PLCXD3: variants seen among roughly 807,000 people sequenced by gnomAD.
PLCXD3 encodes the protein PI-PLC X domain-containing protein 3.
Under a neutral mutation model 25.5 loss-of-function variants are expected in PLCXD3, and 19 were observed. The ratio of observed to expected loss-of-function variants is 0.75; its 90% confidence interval spans 0.52 to 1.09. The LOEUF is 1.09. Among genes scored for constraint, PLCXD3 ranks in the 50% least tolerant of loss-of-function variants. The pLI is 0.00. For missense variants in PLCXD3, 411 were observed against 388.1 expected (o/e 1.06, Z -0.50); for synonymous variants, 174 against 137.6 (o/e 1.26, Z -1.85).
intron 1 of PLCXD3, among the ~76,000 whole-genome samples, chr5:41,458,002 T>C (rs558068450): frequency 6.6e-6 from 1 of 151,872 alleles, no homozygotes; most frequent in African/African-American, 2.4e-5. Context: ...AGCACCAAGT[T>C]TAACTTAGGG....
intron 2 of PLCXD3, among the ~76,000 whole-genome samples, chr5:41,380,674 C>T (rs1018186760): frequency 1.3e-5 from 2 of 152,108 alleles, no homozygotes; most frequent in Non-Finnish European, 2.9e-5. Context: ...TTCTCTTCAT[C>T]TTTTGTCTTT....
At chr5:41,399,547 C>A (rs1314871705) in intron 1 of PLCXD3, among the ~76,000 whole-genome samples, 4 of 151,892 alleles carry the variant, frequency 2.6e-5, no homozygotes, top group Non-Finnish European at 5.9e-5. Context: ...TCCACACTCC[C>A]ACATTAAACT....
chr5:41,451,192 C>T (rs571641367), intron 1 of PLCXD3, among the ~76,000 whole-genome samples: 22 of 152,160 alleles, frequency 1.4e-4, no homozygotes, highest in Admixed American at 3.9e-4. Context: ...TACACCTCAA[C>T]GTAACCTGAG....
chr5:41,355,462 C>A (rs957655777), intron 2 of PLCXD3, among the ~76,000 whole-genome samples: 1 of 152,168 alleles, frequency 6.6e-6, no homozygotes, highest in Non-Finnish European at 1.5e-5. Flanking sequence ...CATAATCCAA[C>A]CCCTATGCTC....
intron 1 of PLCXD3, among the ~76,000 whole-genome samples, chr5:41,429,758 GGAATTCA>G (rs760899008): frequency 1.3e-5 from 2 of 152,058 alleles, no homozygotes; most frequent in African/African-American, 2.4e-5. Flanking sequence ...GACGAAGGTA[GGAATTCA>G]GATCTGAGAC....
intron 1 of PLCXD3, among the ~76,000 whole-genome samples, chr5:41,450,539 G>T (rs1012432640): frequency 1.3e-5 from 2 of 152,060 alleles, no homozygotes; most frequent in Admixed American, 6.6e-5. Context: ...TTACAATGCT[G>T]ATAGAAGCAG....
At position 41,440,215 on chromosome 5, in the gene PLCXD3, A is replaced by ATTTTTTTTTTTTTTTTTT. The variant is rs70988846; in HGVS notation, c.104-57699_104-57682dup. Among the ~76,000 whole-genome samples, 60 of 41,082 alleles carry ATTTTTTTTTTTTTTTTTT rather than the reference A, an allele frequency of 1.5e-3. 1 individual carries two copies. The highest frequency in any genetic ancestry group is 2.9e-3 in the African/African-American group (28 of 9,608). 27.0% of individuals were successfully genotyped at this position (41,082 alleles called of 152,430 possible). On this transcript the variant is annotated intron_variant, in intron 1 of 2. Coordinates refer to ENST00000377801, the MANE Select transcript of PLCXD3 (RefSeq NM_001005473.3). ...TCTGAGCAAATTACATAATCTCTCAATTTTTTTTTTTTTTTTTTTTTTTTT... is the reference window on the plus strand; with the variant it reads ...TCTGAGCAAATTACATAATCTCTCAATTTTTTTTTTTTTTTTTTTTTTTTTTTTTTTTTTTTTTTTTTT...
At chr5:41,403,401 G>GTTTTTGTTTTTT (rs1554047952) in intron 1 of PLCXD3, among the ~76,000 whole-genome samples, 5 of 18,388 alleles carry the variant, frequency 2.7e-4, no homozygotes, top group African/African-American at 9.2e-4. Flanking sequence ...CTTATTTGTT[G>GTTTTTGTTTTTT]TTTTTTTTTT....
chr5:41,365,625 C>T (rs1452325125), intron 2 of PLCXD3, among the ~76,000 whole-genome samples: 3 of 152,084 alleles, frequency 2.0e-5, no homozygotes, highest in East Asian at 3.9e-4. Context: ...TTGTTTCTAT[C>T]CCTGGGTAAC....
At chr5:41,329,597 A>G (rs553882782) in intron 2 of PLCXD3, among the ~76,000 whole-genome samples, 2 of 152,102 alleles carry the variant, frequency 1.3e-5, no homozygotes, top group Admixed American at 6.6e-5. Flanking sequence ...GTAATTTTTT[A>G]CAAAAAATAT....
At chr5:41,398,495 A>C (rs904783338) in intron 1 of PLCXD3, among the ~76,000 whole-genome samples, 1 of 152,208 alleles carries the variant, frequency 6.6e-6, no homozygotes, top group Non-Finnish European at 1.5e-5. Flanking sequence ...AGTCTCAAGT[A>C]GTTCTCTATA....
At chr5:41,497,940 C>T (rs1185586638) in intron 1 of PLCXD3, among the ~76,000 whole-genome samples, 1 of 151,638 alleles carries the variant, frequency 6.6e-6, no homozygotes, top group Non-Finnish European at 1.5e-5. Context: ...CATCCTTTAA[C>T]AACCAATTGG....
chr5:41,333,307 C>A (rs754661770), intron 2 of PLCXD3, among the ~76,000 whole-genome samples: 1 of 152,038 alleles, frequency 6.6e-6, no homozygotes, highest in Admixed American at 6.6e-5. Flanking sequence ...GACAGATTTT[C>A]AAATGTGTTT....
chr5:41,385,661 C>T (rs1745611803), intron 1 of PLCXD3, among the ~76,000 whole-genome samples: 1 of 152,118 alleles, frequency 6.6e-6, no homozygotes, highest in African/African-American at 2.4e-5. Flanking sequence ...GAACCTATGA[C>T]CTGCTTCTAA....
At chr5:41,484,871 C>T (rs1437147388) in intron 1 of PLCXD3, among the ~76,000 whole-genome samples, 1 of 152,134 alleles carries the variant, frequency 6.6e-6, no homozygotes, top group Non-Finnish European at 1.5e-5. Flanking sequence ...ATTCAATTTT[C>T]AGTTTCATGT....
chr5:41,436,252 A>G (rs374602533), intron 1 of PLCXD3, among the ~76,000 whole-genome samples: 15 of 152,048 alleles, frequency 9.9e-5, no homozygotes, highest in African/African-American at 3.1e-4. Context: ...AAAGCTATGT[A>G]TCACTGAATG....
intron 2 of PLCXD3, among the ~76,000 whole-genome samples, chr5:41,331,694 A>G (rs1282019273): frequency 3.3e-5 from 5 of 152,192 alleles, no homozygotes; most frequent in African/African-American, 1.2e-4. Context: ...TTCAAACTAT[A>G]CTACAAGGCT....
At chr5:41,375,152 A>G (rs1745251042) in intron 2 of PLCXD3, among the ~76,000 whole-genome samples, 1 of 119,064 alleles carries the variant, frequency 8.4e-6, no homozygotes, top group African/African-American at 3.0e-5. Flanking sequence ...AGAGATAAAG[A>G]GAGGAAGAAA....
At chr5:41,412,165 A>G (rs1746566861) in intron 1 of PLCXD3, among the ~76,000 whole-genome samples, 1 of 152,072 alleles carries the variant, frequency 6.6e-6, no homozygotes, top group Non-Finnish European at 1.5e-5. Flanking sequence ...TCGTGGTCAA[A>G]TTTATACTCT....
Sources: allele counts gnomAD v4.1 joint callset (sites outside exome capture counted in the v4.1 genomes callset), GRCh38; gene constraint gnomAD v4.1.1; transcripts MANE v1.5; gene names NCBI Gene and HGNC (gene_info 2026-07-23, HGNC 2026-07-21).